The following BEST3 variants were observed in gnomAD, a reference collection of about 807,000 sequenced individuals.
BEST3 encodes the protein bestrophin 3.
A neutral mutation model predicts 47.1 loss-of-function variants in BEST3; 50 were observed. That is an observed-to-expected ratio of 1.06 (90% CI 0.85 to 1.34). BEST3 has a LOEUF of 1.34. Ranked by LOEUF, BEST3 falls within the 40% of genes most tolerant of loss-of-function variation. The probability of loss-of-function intolerance (pLI) is 0.00; values close to 1 mark genes in which losing one functional copy is unlikely to be tolerated. For missense variants in BEST3, 765 were observed against 817.0 expected (o/e 0.94, Z 0.78); for synonymous variants, 282 against 298.8 (o/e 0.94, Z 0.58).
chr12:69,691,055 A>G (rs1885905686), intron 4 of BEST3, among the ~76,000 whole-genome samples: 2 of 152,076 alleles, frequency 1.3e-5, no homozygotes, highest in Admixed American at 1.3e-4. Context: ...CCTTATTTCA[A>G]CCTTGACATT....
chr12:69,647,995 TG>T (rs1883093787), intron 9 of BEST3, among the ~76,000 whole-genome samples: 2 of 152,194 alleles, frequency 1.3e-5, no homozygotes, highest in Non-Finnish European at 2.9e-5. Flanking sequence ...CACAGGCACA[TG>T]AAGAGATGCT....
At chr12:69,679,719 G>A (rs540693073) in intron 4 of BEST3, among the ~76,000 whole-genome samples, 2 of 152,214 alleles carry the variant, frequency 1.3e-5, no homozygotes, top group Admixed American at 1.3e-4. Flanking sequence ...AAATTAGCCG[G>A]GCATGGTGGC....
intron 9 of BEST3, among the ~76,000 whole-genome samples, chr12:69,664,388 C>T (rs1237791127): frequency 6.6e-6 from 1 of 152,114 alleles, no homozygotes; most frequent in Non-Finnish European, 1.5e-5. Flanking sequence ...CTTACTGTAT[C>T]CAACTTCAAC....
intron 4 of BEST3, among the ~76,000 whole-genome samples, chr12:69,680,202 G>A (rs1412768422): frequency 6.6e-6 from 1 of 151,810 alleles, no homozygotes; most frequent in Non-Finnish European, 1.5e-5. Context: ...GACTGAATAA[G>A]AGGAATAAGG....
intron 9 of BEST3, among the ~76,000 whole-genome samples, chr12:69,659,576 C>T (rs1280841128): frequency 6.6e-6 from 1 of 152,158 alleles, no homozygotes; most frequent in Non-Finnish European, 1.5e-5. Context: ...TGGTCTTGAA[C>T]TCCTGGCCTC....
At chr12:69,664,957 C>T (rs1275533801) in intron 9 of BEST3, among the ~76,000 whole-genome samples, 2 of 152,162 alleles carry the variant, frequency 1.3e-5, no homozygotes, top group East Asian at 3.8e-4. Flanking sequence ...TTTCTTTCTT[C>T]GCCACCAACA....
At position 69,655,167 on chromosome 12, in the gene BEST3, C is replaced by G; in HGVS notation, c.1747G>C (p.Gly583Arg). The change falls in exon 10 of 10, where the codon GGT (glycine) becomes CGT (arginine). Residue 583 changes from glycine (G) to arginine (R), a missense_variant. Physicochemically the swap from Gly to Arg is moderately radical, Grantham distance 125 (BLOSUM62 -2). Coordinates refer to ENST00000330891, the MANE Select transcript of BEST3 (RefSeq NM_032735.3). Reference sequence around the variant, plus strand: ...CTCCACCTTTTTAGAAAGGTATCACCAGGGTCTTCTTCACAGTTGAATATA... The same window carrying G: ...CTCCACCTTTTTAGAAAGGTATCACGAGGGTCTTCTTCACAGTTGAATATA... ...ENIFNCEEDP[G>R]DTFLKRWSLP... is the part of the protein sequence containing the mutation. 6.2e-7 allele frequency: 1 copy of G among 1,614,132 alleles called. No homozygotes were observed. The highest frequency in any genetic ancestry group is 8.5e-7 in the Non-Finnish European group (1 of 1,180,008).
chr12:69,664,482 TC>T (rs1393837597), intron 9 of BEST3, among the ~76,000 whole-genome samples: 5 of 152,000 alleles, frequency 3.3e-5, no homozygotes, highest in Non-Finnish European at 7.4e-5. Context: ...TGCTCTGTCA[TC>T]CCCCCTTGCT....
intron 2 of BEST3, among the ~76,000 whole-genome samples, chr12:69,695,087 C>A (rs1021605572): frequency 1.6e-4 from 25 of 152,236 alleles, no homozygotes; most frequent in Admixed American, 4.6e-4. Flanking sequence ...TCTAACCCAA[C>A]CTGCCCAAAC....
Position 69,654,872 on chromosome 12 carries a change from C to A in BEST3, c.*35G>T. ...ATGCTGCTTTTGGGGAGGTAAGAAT[C>A]TAGGCTAGAACCAGGTCCTAGAACT... is the stretch of plus-strand genomic sequence containing the variant. On this transcript the variant is annotated 3_prime_UTR_variant, in exon 10 of 10. Coordinates refer to ENST00000330891, the MANE Select transcript of BEST3 (RefSeq NM_032735.3). The A allele has an allele frequency of 6.3e-7, 1 of 1,576,872 alleles. No homozygotes were observed. Among genetic ancestry groups the A allele is most frequent in the South Asian group, 1.2e-5 (1 of 84,830 alleles).
At chr12:69,671,234 A>G (rs1884549403) in intron 9 of BEST3, among the ~76,000 whole-genome samples, 194 bp downstream of exon 9, 1 of 152,176 alleles carries the variant, frequency 6.6e-6, no homozygotes. Flanking sequence ...GCACAATCAC[A>G]GCTCACTGCA....
At chr12:69,685,518 C>T (rs748308305) in intron 4 of BEST3, among the ~76,000 whole-genome samples, 5 of 152,116 alleles carry the variant, frequency 3.3e-5, no homozygotes, top group Non-Finnish European at 7.3e-5. Context: ...CTCTACATAC[C>T]TAATGAATCC....
rs200887965 is a variant in BEST3 at position 69,677,075 on chromosome 12, C to G, written c.715-7G>C. The G allele has an allele frequency of 1.7e-4, 273 of 1,614,180 alleles. No homozygotes were observed. Among genetic ancestry groups the G allele is most frequent in the Non-Finnish European group, 5.3e-5 (62 of 1,180,026 alleles). On this transcript the variant is annotated splice_polypyrimidine_tract_variant and splice_region_variant and intron_variant, in intron 6 of 9. Transcript: ENST00000330891. ...AGACAGCAAGAGTGACAACCTGGAA[C>G]AGAGAGAGACCAGAGTGAGGGGACA...
At chr12:69,644,106 G>A (rs553917899) in intron 9 of BEST3, among the ~76,000 whole-genome samples, 1 of 152,300 alleles carries the variant, frequency 6.6e-6, no homozygotes, top group East Asian at 1.9e-4. Context: ...GAGGGGAGCA[G>A]GTACAACTGT....
chr12:69,657,800 A>C (rs980875788), intron 9 of BEST3, among the ~76,000 whole-genome samples: 3 of 152,264 alleles, frequency 2.0e-5, no homozygotes, highest in Non-Finnish European at 4.4e-5. Context: ...TGAGATGATT[A>C]ACTGGCTGAA....
In BEST3 at chr12:69,678,721, G is replaced by T; in HGVS notation, c.636+18C>A. The T allele has an allele frequency of 3.1e-6, 5 of 1,610,766 alleles. No individual in the cohort carries two copies. The highest frequency in any genetic ancestry group is 4.2e-6 in the Non-Finnish European group (5 of 1,177,772). ...TCTCTAATTAGCGTATTTTTCTTAT[G>T]ATTTATGATATACTTACAGTCATCA... is the stretch of plus-strand genomic sequence containing the variant. On this transcript the variant is annotated intron_variant, in intron 5 of 9. Transcript: ENST00000330891.
At chr12:69,680,864 T>A (rs1885216143) in intron 4 of BEST3, among the ~76,000 whole-genome samples, 1 of 152,144 alleles carries the variant, frequency 6.6e-6, no homozygotes, top group Non-Finnish European at 1.5e-5. Context: ...CAGGTATATC[T>A]TGAAGATTTA....
rs1884970549 is a variant in BEST3, at chr12:69,677,069, C to G, written c.715-1G>C. On this transcript the variant is annotated splice_acceptor_variant, in intron 6 of 9. Transcript: ENST00000330891. LOFTEE classifies it high-confidence loss of function. ...AGGTATAGACAGCAAGAGTGACAAC[C>G]TGGAACAGAGAGAGACCAGAGTGAG... 3 of 1,614,138 alleles carry G rather than the reference C, an allele frequency of 1.9e-6. No individual in the cohort carries two copies. In the South Asian group the frequency reaches 3.3e-5, roughly 18 times the overall value.
In BEST3 at chr12:69,654,991, A is replaced by G; in HGVS notation, c.1923T>C (p.Asp641=). 1 of 1,614,070 alleles carries G rather than the reference A, an allele frequency of 6.2e-7. No homozygotes were observed. The highest frequency in any genetic ancestry group is 8.5e-7 in the Non-Finnish European group (1 of 1,179,994). Residue 641 remains aspartate, a synonymous_variant, in exon 10 of 10, where the codon GAT becomes GAC. Coordinates refer to ENST00000330891, the MANE Select transcript of BEST3 (RefSeq NM_032735.3). The stretch of plus-strand genomic sequence containing the variant: ...CCAGGTTTTCCATTAAATACAGCAT[A>G]TCAGAAGAGACTCGAGAGCCAGCCA... ...NIVAGSRVSS[D]MLYLMENLDT...
Sources: allele counts gnomAD v4.1 joint callset (sites outside exome capture counted in the v4.1 genomes callset), GRCh38; gene constraint gnomAD v4.1.1; transcripts MANE v1.5; gene names NCBI Gene and HGNC (gene_info 2026-07-23, HGNC 2026-07-21).